The following WDFY3 variants were observed in gnomAD, a reference collection of about 807,000 sequenced individuals.
The protein encoded by WDFY3 is WD repeat and FYVE domain containing 3.
A neutral mutation model predicts 409.6 loss-of-function variants in WDFY3; 66 were observed. That is an observed-to-expected ratio of 0.16 (90% CI 0.13 to 0.20). WDFY3 has a LOEUF of 0.20. Ranked by LOEUF, WDFY3 falls within the 10% of genes least tolerant of loss-of-function variation. The pLI is 1.00. For missense variants in WDFY3, 3,031 were observed against 4,298.1 expected (o/e 0.71, Z 8.24); for synonymous variants, 1,521 against 1,537.1 (o/e 0.99, Z 0.25).
rs532785737 is a variant in WDFY3 at position 84,758,740 on chromosome 4, C to T, written c.5189-1579G>A. Among the ~76,000 whole-genome samples the T allele has an allele frequency of 1.1e-3, 161 of 152,156 alleles. 2 individuals are homozygous for T. The highest frequency in any genetic ancestry group is 3.6e-3 in the African/African-American group (150 of 41,514). ...TCTAATTAATAAAAAAATTATATAG[C>T]AATTTAAAAAACTCTTTCCCATATC... On this transcript the variant is annotated intron_variant, in intron 32 of 67. Transcript: ENST00000295888.
chr4:84,880,674 C>CACATATATATAT (rs1218696740), intron 3 of WDFY3, among the ~76,000 whole-genome samples: 6 of 50,356 alleles, frequency 1.2e-4, no homozygotes, highest in Non-Finnish European at 1.7e-4. Context: ...GGGAACCATA[C>CACATATATATAT]ATATATATAT....
At chr4:84,711,033 A>C (rs1732795109) in intron 51 of WDFY3, among the ~76,000 whole-genome samples, 1 of 152,236 alleles carries the variant, frequency 6.6e-6, no homozygotes, top group Non-Finnish European at 1.5e-5. Flanking sequence ...GACTGGAATC[A>C]AATTTATTTA....
intron 2 of WDFY3, among the ~76,000 whole-genome samples, chr4:84,924,704 TA>T (rs1298409887): frequency 2.6e-5 from 4 of 152,212 alleles, no homozygotes; most frequent in African/African-American, 7.2e-5. Context: ...TCCATCATCA[TA>T]AAGGAGTAAA....
intron 46 of WDFY3, 136 bp from the exon 47 acceptor site, chr4:84,721,708 T>C (rs1263269736): frequency 2.0e-6 from 2 of 985,962 alleles, no homozygotes; most frequent in Non-Finnish European, 1.4e-6. Context: ...GCACATTCAG[T>C]GGTTAAGAAC....
intron 24 of WDFY3, 142 bp from the exon 25 acceptor site, chr4:84,783,216 C>T: frequency 1.3e-6 from 1 of 750,106 alleles, no homozygotes; most frequent in East Asian, 2.7e-5. Flanking sequence ...CATTTAGGTC[C>T]AGCCTGGTGG....
In WDFY3 at chr4:84,695,448, CGTGTGTGTGT is replaced by C. The variant is rs150816589; in HGVS notation, c.8901+512_8901+521del. Reference sequence around the variant, plus strand: ...GGTCTTCCGCTCCCCATTTGGGTCCCGTGTGTGTGTGTGTGTGTGTGTGTGTGTGTCAGAC... The same window carrying C: ...GGTCTTCCGCTCCCCATTTGGGTCCCGTGTGTGTGTGTGTGTGTGTCAGAC... On this transcript the variant is annotated intron_variant, in intron 58 of 67. Transcript: ENST00000295888. Among the ~76,000 whole-genome samples the C allele has an allele frequency of 2.2e-4, 30 of 136,108 alleles. No individual in the cohort carries two copies. The East Asian group carries it at 4.1e-3, about 18-fold the overall frequency. 89.3% of individuals were successfully genotyped at this position (136,108 alleles called of 152,430 possible).
chr4:84,850,323 CT>C (rs917057744), intron 4 of WDFY3, among the ~76,000 whole-genome samples: 1 of 147,276 alleles, frequency 6.8e-6, no homozygotes, highest in African/African-American at 2.5e-5. Flanking sequence ...TATAACGTTT[CT>C]TTTTTTTTGG....
intron 2 of WDFY3, among the ~76,000 whole-genome samples, chr4:84,901,268 T>C (rs1289163635): frequency 6.6e-6 from 1 of 152,168 alleles, no homozygotes. Flanking sequence ...AATGCTCCAA[T>C]GTGGCAGTAA....
Position 84,801,882 on chromosome 4 carries a change from A to G in WDFY3, c.2608-18T>C. 6.2e-7 allele frequency: 1 copy of G among 1,608,444 alleles called. No individual in the cohort carries two copies. Among genetic ancestry groups the G allele is most frequent in the Non-Finnish European group, 8.5e-7 (1 of 1,175,128 alleles). On this transcript the variant is annotated intron_variant, in intron 16 of 67. Coordinates refer to ENST00000295888, the MANE Select transcript of WDFY3 (RefSeq NM_014991.6). The stretch of plus-strand genomic sequence containing the variant: ...AAAGCATGCTAAAATCAACAAAGAA[A>G]TCCACACAGTCAGGTCATTCTTAGT...
At chr4:84,892,763 T>C (rs750049146) in intron 3 of WDFY3, among the ~76,000 whole-genome samples, 6 of 152,244 alleles carry the variant, frequency 3.9e-5, no homozygotes, top group African/African-American at 4.8e-5. Context: ...TTTTGGAGTT[T>C]AGATTCTCAT....
chr4:84,811,500 C>G (rs1183848945), intron 13 of WDFY3, among the ~76,000 whole-genome samples: 1 of 151,980 alleles, frequency 6.6e-6, no homozygotes, highest in East Asian at 1.9e-4. Flanking sequence ...AAAGACTATA[C>G]AACTTATAAA....
chr4:84,783,796 A>G (rs1446422536), intron 24 of WDFY3, among the ~76,000 whole-genome samples: 4 of 151,976 alleles, frequency 2.6e-5, no homozygotes, highest in Non-Finnish European at 5.9e-5. Context: ...ATATAACTTT[A>G]ATTCTGTTGT....
Position 84,671,827 on chromosome 4 carries a change from T to G in WDFY3, c.*1041A>C, listed in dbSNP as rs1212035226. 1 of 152,610 alleles carries G rather than the reference T, an allele frequency of 6.6e-6. No homozygotes were observed. The highest frequency in any genetic ancestry group is 2.4e-5 in the African/African-American group (1 of 41,454). The allele number at this position is 152,610 out of a possible 1,614,324, so 9.5% of individuals were successfully genotyped here. A position where few individuals can be genotyped will look rare whatever the true frequency, so the allele number is the denominator to read the frequency against. The stretch of plus-strand genomic sequence containing the variant: ...ATTCTGTACACTTCTTTCTTTCCTT[T>G]TTTTACCCCTTGTTTGAAAATAAGC... On this transcript the variant is annotated 3_prime_UTR_variant, in exon 68 of 68. Coordinates refer to ENST00000295888, the MANE Select transcript of WDFY3 (RefSeq NM_014991.6).
chr4:84,748,871 G>A (rs1739976624), intron 36 of WDFY3, among the ~76,000 whole-genome samples: 1 of 151,666 alleles, frequency 6.6e-6, no homozygotes, highest in Admixed American at 6.6e-5. Context: ...AAATATGTAA[G>A]ATAATTCTCT....
intron 1 of WDFY3, among the ~76,000 whole-genome samples, chr4:84,954,175 A>T (rs1773961739): frequency 6.6e-6 from 1 of 152,186 alleles, no homozygotes; most frequent in Non-Finnish European, 1.5e-5. Context: ...GAGTCTATTT[A>T]CATAGGATCA....
chr4:84,906,268 C>T (rs1394719754), intron 2 of WDFY3, among the ~76,000 whole-genome samples: 1 of 152,106 alleles, frequency 6.6e-6, no homozygotes, highest in Non-Finnish European at 1.5e-5. Context: ...AAATATAACT[C>T]AGAGACAGAC....
At chr4:84,757,214 G>A in intron 32 of WDFY3, 53 bp from the exon 33 acceptor site, 1 of 1,511,618 alleles carries the variant, frequency 6.6e-7, no homozygotes, top group East Asian at 2.3e-5. Context: ...TGATAAACAT[G>A]CTGCATTAAC....
intron 38 of WDFY3, 27 bp downstream of exon 38, chr4:84,741,734 C>T: frequency 1.3e-6 from 2 of 1,583,868 alleles, no homozygotes; most frequent in Non-Finnish European, 1.7e-6. Context: ...AACATGTACT[C>T]TACAACTGAT....
intron 51 of WDFY3, among the ~76,000 whole-genome samples, chr4:84,711,922 C>T (rs1342758123): frequency 6.6e-6 from 1 of 151,828 alleles, no homozygotes; most frequent in Non-Finnish European, 1.5e-5. Flanking sequence ...ACTAATAGTA[C>T]AATATAAACT....
Sources: gnomAD v4.1 joint callset for allele counts (sites outside exome capture counted in the v4.1 genomes callset) on GRCh38, gnomAD v4.1.1 for gene constraint, MANE v1.5 for transcripts, NCBI Gene and HGNC (gene_info 2026-07-23, HGNC 2026-07-21) for gene names.